ZNF804A: variants seen among roughly 807,000 people sequenced by gnomAD.
ZNF804A encodes the protein zinc finger protein 804A.
ZNF804A carries 2 observed loss-of-function variants against 16.5 expected under a neutral mutation model. The ratio of observed to expected loss-of-function variants is 0.12; its 90% confidence interval spans 0.05 to 0.38. ZNF804A has a LOEUF of 0.38. ZNF804A is among the 10% of genes least tolerant of loss of function. ZNF804A has a pLI of 0.99. For missense variants in ZNF804A, 1,473 were observed against 1,390.7 expected (o/e 1.06, Z -0.94); for synonymous variants, 534 against 489.6 (o/e 1.09, Z -1.20).
chr2:184,845,215 A>G (rs1695493878), intron 1 of ZNF804A, among the ~76,000 whole-genome samples: 2 of 151,920 alleles, frequency 1.3e-5, no homozygotes, highest in Non-Finnish European at 1.5e-5. Context: ...GAGCCTTGTT[A>G]TGATGTTTAA....
At chr2:184,760,008 C>T (rs190634234) in intron 1 of ZNF804A, among the ~76,000 whole-genome samples, 5 of 152,186 alleles carry the variant, frequency 3.3e-5, no homozygotes, top group South Asian at 2.1e-4. Flanking sequence ...TTCATAGGGA[C>T]GTGAACTCGC....
rs1685858423 is a variant in ZNF804A at position 184,939,444 on chromosome 2, CAG to C, written c.*419_*420del. On this transcript the variant is annotated 3_prime_UTR_variant, in exon 4 of 4. Transcript: ENST00000302277. ...ATCATGTTCCTTGAAACTGTAAATT[CAG>C]TGAAAAATATCTCTTGCAATAAATT... 1 of 153,506 alleles carries C rather than the reference CAG, an allele frequency of 6.5e-6. No homozygotes were observed. The highest frequency in any genetic ancestry group is 1.5e-5 in the Non-Finnish European group (1 of 68,766). The allele number at this position is 153,506 out of a possible 1,614,324, so 9.5% of individuals were successfully genotyped here. A position where few individuals can be genotyped will look rare whatever the true frequency, so the allele number is the denominator to read the frequency against.
chr2:184,838,854 G>C lies in ZNF804A; in HGVS notation c.112-27515G>C, dbSNP rs186378865. On this transcript the variant is annotated intron_variant, in intron 1 of 3. Coordinates refer to ENST00000302277, the MANE Select transcript of ZNF804A (RefSeq NM_194250.2). ...ATTTGTTCTTACAATGCATGCATAT[G>C]ATATTGCCTACAAATTGATTATATA... Among the ~76,000 whole-genome samples the C allele has an allele frequency of 2.0e-5, 3 of 152,188 alleles. No individual in the cohort carries two copies. The East Asian group carries it at 5.8e-4, about 29-fold the overall frequency.
intron 1 of ZNF804A, among the ~76,000 whole-genome samples, chr2:184,818,163 A>C (rs1249469927): frequency 6.6e-6 from 1 of 151,962 alleles, no homozygotes; most frequent in East Asian, 1.9e-4. Flanking sequence ...AGAGAGAAAG[A>C]ACAGGTAACC....
In ZNF804A at chr2:184,702,802, T is replaced by C. The variant is rs114518230; in HGVS notation, c.111+103732T>C. Among the ~76,000 whole-genome samples the C allele has an allele frequency of 9.0e-3, 1,377 of 152,284 alleles. 22 individuals carry two copies. The highest frequency in any genetic ancestry group is 0.032 in the African/African-American group (1,317 of 41,578). ...CATTTTTTATGGAGTCACGTTTACA[T>C]AGGTTAATTTGCCTCTGTATGTTAT... On this transcript the variant is annotated intron_variant, in intron 1 of 3. Transcript: ENST00000302277.
At chr2:184,648,110 AG>A (rs1691913265) in intron 1 of ZNF804A, among the ~76,000 whole-genome samples, 3 of 150,902 alleles carry the variant, frequency 2.0e-5, no homozygotes, top group African/African-American at 7.3e-5. Context: ...AATAATTTTA[AG>A]AAAAGAAAAG....
At chr2:184,830,141 CAAAT>C (rs1274208688) in intron 1 of ZNF804A, among the ~76,000 whole-genome samples, 2 of 144,658 alleles carry the variant, frequency 1.4e-5, no homozygotes, top group East Asian at 2.0e-4. Context: ...CACACACACA[CAAAT>C]AATCTTAATC....
At chr2:184,606,613 AAGT>A (rs932546947) in intron 1 of ZNF804A, among the ~76,000 whole-genome samples, 23 of 152,348 alleles carry the variant, frequency 1.5e-4, no homozygotes, top group African/African-American at 5.3e-4. Flanking sequence ...TTGACACTTT[AAGT>A]AAAGGAGATT....
In ZNF804A at chr2:184,938,222, T is replaced by C. The variant is rs1469008067; in HGVS notation, c.2826T>C (p.Asn942=). The change falls in exon 4 of 4, where the codon AAT becomes AAC. Residue 942 remains asparagine (N), a synonymous_variant. Transcript: ENST00000302277. ...TLLEHKERSE[N]INLNEKQIPF... is the part of the protein sequence containing the mutation. ...TTGAACACAAAGAAAGAAGTGAGAA[T>C]ATAAATCTTAATGAAAAGCAAATTC... 1.2e-6 allele frequency: 2 copies of C among 1,613,940 alleles called. No homozygotes were observed. The highest frequency in any genetic ancestry group is 1.7e-6 in the Non-Finnish European group (2 of 1,180,018).
chr2:184,613,848 G>A (rs1471513087), intron 1 of ZNF804A, among the ~76,000 whole-genome samples: 3 of 151,972 alleles, frequency 2.0e-5, no homozygotes, highest in African/African-American at 4.8e-5. Flanking sequence ...TCATGAAAAC[G>A]GCCATACTGC....
chr2:184,621,782 T>G (rs1691425714), intron 1 of ZNF804A, among the ~76,000 whole-genome samples: 1 of 151,800 alleles, frequency 6.6e-6, no homozygotes, highest in Non-Finnish European at 1.5e-5. Context: ...TATAACATTT[T>G]ATAATGTATA....
At chr2:184,716,013 G>A (rs963311700) in intron 1 of ZNF804A, among the ~76,000 whole-genome samples, 1 of 152,128 alleles carries the variant, frequency 6.6e-6, no homozygotes, top group South Asian at 2.1e-4. Flanking sequence ...TTGGGAGAAT[G>A]AGCCCAACCA....
intron 2 of ZNF804A, among the ~76,000 whole-genome samples, chr2:184,901,002 T>C (rs1371651902): frequency 1.3e-5 from 2 of 152,198 alleles, no homozygotes; most frequent in Non-Finnish European, 2.9e-5. Flanking sequence ...TTATTATTTA[T>C]CTCCATATGC....
chr2:184,601,765 G>A (rs1195991801), intron 1 of ZNF804A, among the ~76,000 whole-genome samples: 1 of 151,714 alleles, frequency 6.6e-6, no homozygotes, highest in East Asian at 1.9e-4. Context: ...TTACTTCGGG[G>A]AAGTGCAACT....
chr2:184,886,520 C>T (rs1331986533), intron 2 of ZNF804A, among the ~76,000 whole-genome samples: 1 of 152,232 alleles, frequency 6.6e-6, no homozygotes, highest in Non-Finnish European at 1.5e-5. Flanking sequence ...TCCCACATTC[C>T]CTTTCTGCAC....
intron 1 of ZNF804A, among the ~76,000 whole-genome samples, chr2:184,668,068 T>G (rs16826128): frequency 0.012 from 1,776 of 151,880 alleles, 30 homozygotes; most frequent in African/African-American, 0.04. Flanking sequence ...GCTCCAGTTA[T>G]CTCAGATGTA....
chr2:184,704,824 C>T (rs1692996318), intron 1 of ZNF804A, among the ~76,000 whole-genome samples: 1 of 152,172 alleles, frequency 6.6e-6, no homozygotes, highest in Non-Finnish European at 1.5e-5. Context: ...GCCTGAATGA[C>T]ACTGGTCGCT....
At position 184,857,666 on chromosome 2, in the gene ZNF804A, T is replaced by C. The variant is rs904731752; in HGVS notation, c.112-8703T>C. ...ATGTATTTACACACTACAATATTTA[T>C]ATGTTTATATTGTTATAGCCTCTAC... On this transcript the variant is annotated intron_variant, in intron 1 of 3. Coordinates refer to ENST00000302277, the MANE Select transcript of ZNF804A (RefSeq NM_194250.2). Among the ~76,000 whole-genome samples, 52 of 152,314 alleles carry C rather than the reference T, an allele frequency of 3.4e-4. 1 individual carries two copies. The East Asian group carries it at 3.9e-3, about 11-fold the overall frequency.
At chr2:184,644,074 T>C (rs1691836601) in intron 1 of ZNF804A, among the ~76,000 whole-genome samples, 2 of 151,820 alleles carry the variant, frequency 1.3e-5, no homozygotes, top group Non-Finnish European at 3.0e-5. Flanking sequence ...ATTCAGTTAT[T>C]TGTTTTTATT....
Sources: allele counts gnomAD v4.1 joint callset (sites outside exome capture counted in the v4.1 genomes callset), GRCh38; gene constraint gnomAD v4.1.1; transcripts MANE v1.5; gene names NCBI Gene and HGNC (gene_info 2026-07-23, HGNC 2026-07-21).